SCHIP1: variants seen among roughly 807,000 people sequenced by gnomAD.
The protein encoded by SCHIP1 is schwannomin-interacting protein 1.
Under a neutral mutation model 29.7 loss-of-function variants are expected in SCHIP1, and 8 were observed. That is an observed-to-expected ratio of 0.27 (90% CI 0.16 to 0.49). The LOEUF (loss-of-function observed/expected upper bound fraction) is 0.49. Among genes scored for constraint, SCHIP1 ranks in the 20% least tolerant of loss-of-function variants. The pLI, the probability that SCHIP1 is intolerant of heterozygous loss-of-function variation, is 0.99. For missense variants in SCHIP1, 193 were observed against 294.6 expected, an observed-to-expected ratio of 0.66 and a Z score of 2.52; for synonymous variants, 76 against 94.9, an observed-to-expected ratio of 0.80 and a Z score of 1.16.
the SCHIP1 span, among the ~76,000 whole-genome samples, chr3:159,443,490 G>C: frequency 6.6e-6 from 1 of 152,134 alleles, no homozygotes; most frequent in East Asian, 1.9e-4. Flanking sequence ...ATCCCAGCCA[G>C]CCCTGATGGT....
chr3:159,300,055 T>A, the SCHIP1 span, among the ~76,000 whole-genome samples: 5 of 149,250 alleles, frequency 3.4e-5, no homozygotes, highest in African/African-American at 1.2e-4. Flanking sequence ...TCTATTTGCC[T>A]CCTTTGTCTG....
intron 2 of SCHIP1, among the ~76,000 whole-genome samples, chr3:159,878,758 A>T (rs899312245): frequency 6.6e-6 from 1 of 150,610 alleles, no homozygotes; most frequent in Non-Finnish European, 1.5e-5. Flanking sequence ...AGCCTGGGCG[A>T]CAGAGCGAGA....
At chr3:159,839,628 C>CTTTTTTTTTTTTTTTTTTTTTTT (rs3068349), upstream of SCHIP1, among the ~76,000 whole-genome samples, 1 of 71,710 alleles carries the variant, frequency 1.4e-5, no homozygotes, top group East Asian at 4.6e-4. Context: ...AGGTCTTTTT[C>CTTTTTTTTTTTTTTTTTTTTTTT]TTTTTTTTTT....
the SCHIP1 span, among the ~76,000 whole-genome samples, chr3:159,384,998 CT>C: frequency 2.6e-4 from 40 of 151,812 alleles, no homozygotes; most frequent in Middle Eastern, 6.8e-3. Context: ...TGATTCTTCT[CT>C]CTTTTCTTCT....
At chr3:159,888,726 G>C (rs2109462034) in intron 4 of SCHIP1, 94 bp from the exon 6 acceptor site, 1 of 1,531,188 alleles carries the variant, frequency 6.5e-7, no homozygotes, top group African/African-American at 1.4e-5. Context: ...GCAGTGGGTG[G>C]GTGAGTGGGT....
At chr3:159,314,438 G>A in the SCHIP1 span, among the ~76,000 whole-genome samples, 2 of 152,154 alleles carry the variant, frequency 1.3e-5, no homozygotes, top group Non-Finnish European at 2.9e-5. Context: ...TGCTAGTGAT[G>A]TGCTTTGGAA....
At chr3:159,427,727 G>A in the SCHIP1 span, among the ~76,000 whole-genome samples, 493 of 151,988 alleles carry the variant, frequency 3.2e-3, 1 homozygote, top group African/African-American at 0.011. Flanking sequence ...AAAAGAGCCC[G>A]CATCACCGAG....
the SCHIP1 span, among the ~76,000 whole-genome samples, chr3:159,790,852 T>C: frequency 3.9e-5 from 6 of 152,314 alleles, no homozygotes; most frequent in South Asian, 1.0e-3. Context: ...TTTTAAGATT[T>C]TTACATGAAA....
the SCHIP1 span, among the ~76,000 whole-genome samples, chr3:159,677,743 C>T: frequency 6.6e-6 from 1 of 152,170 alleles, no homozygotes; most frequent in Admixed American, 6.5e-5. Flanking sequence ...TATCACCTGG[C>T]TCTGCAAGAC....
the SCHIP1 span, among the ~76,000 whole-genome samples, chr3:159,750,281 A>G: frequency 2.1e-4 from 8 of 38,238 alleles, no homozygotes; most frequent in Non-Finnish European, 5.6e-4. Flanking sequence ...ATATATATAT[A>G]TATATATATA....
At chr3:159,696,990 T>C in the SCHIP1 span, among the ~76,000 whole-genome samples, 1 of 152,096 alleles carries the variant, frequency 6.6e-6, no homozygotes, top group African/African-American at 2.4e-5. Context: ...GGAAGCCAGA[T>C]TTGTTTATCC....
At chr3:159,681,566 C>T in the SCHIP1 span, among the ~76,000 whole-genome samples, 40 of 152,272 alleles carry the variant, frequency 2.6e-4, no homozygotes, top group South Asian at 6.0e-3. Flanking sequence ...TAATTATATT[C>T]TATAAACATT....
At chr3:159,623,461 A>T in the SCHIP1 span, among the ~76,000 whole-genome samples, 19 of 152,086 alleles carry the variant, frequency 1.2e-4, no homozygotes, top group Non-Finnish European at 2.4e-4. Context: ...CCACGTCTCT[A>T]CTAAAAACAC....
At chr3:159,284,184 T>C in the SCHIP1 span, among the ~76,000 whole-genome samples, 3 of 152,298 alleles carry the variant, frequency 2.0e-5, no homozygotes, top group Admixed American at 6.5e-5. Context: ...TGTCTTTTCT[T>C]ATAAATACTT....
chr3:159,863,124 G>A (rs1051633323), intron 1 of SCHIP1, among the ~76,000 whole-genome samples: 5 of 152,150 alleles, frequency 3.3e-5, no homozygotes, highest in Admixed American at 2.6e-4. Context: ...GGCGGATCAC[G>A]AGGTCAAGAG....
chr3:159,455,871 G>C, the SCHIP1 span, among the ~76,000 whole-genome samples: 1 of 152,164 alleles, frequency 6.6e-6, no homozygotes, highest in African/African-American at 2.4e-5. Flanking sequence ...GTAGTAAGTA[G>C]GTGGTTGGAC....
At chr3:159,880,058 G>A (rs550769730) in intron 2 of SCHIP1, among the ~76,000 whole-genome samples, 1 of 152,296 alleles carries the variant, frequency 6.6e-6, no homozygotes, top group East Asian at 1.9e-4. Flanking sequence ...AACCCAGAGA[G>A]GGTCATTCAC....
the SCHIP1 span, among the ~76,000 whole-genome samples, chr3:159,736,767 C>G: frequency 6.7e-6 from 1 of 149,962 alleles, no homozygotes; most frequent in African/African-American, 2.5e-5. Context: ...CGGAGTCTCG[C>G]TCTGTCGCCC....
chr3:159,706,638 A>C, the SCHIP1 span, among the ~76,000 whole-genome samples: 1 of 152,206 alleles, frequency 6.6e-6, no homozygotes, highest in Non-Finnish European at 1.5e-5. Context: ...CAATGGGCAC[A>C]CACAGTCTAA....
Sources: gnomAD v4.1 joint callset for allele counts (sites outside exome capture counted in the v4.1 genomes callset) on GRCh38, gnomAD v4.1.1 for gene constraint, MANE v1.5 for transcripts, NCBI Gene and HGNC (gene_info 2026-07-23, HGNC 2026-07-21) for gene names.